SHANK2: variants seen among roughly 807,000 people sequenced by gnomAD.
SHANK2 encodes SH3 and multiple ankyrin repeat domains protein 2.
Under a neutral mutation model 133.7 loss-of-function variants are expected in SHANK2, and 43 were observed. That is an observed-to-expected ratio of 0.32 (90% CI 0.25 to 0.41). The LOEUF (loss-of-function observed/expected upper bound fraction) is 0.41. Among genes scored for constraint, SHANK2 ranks in the 10% least tolerant of loss-of-function variants. SHANK2 has a pLI of 1.00. For missense variants in SHANK2, 1,994 were observed against 2,235.8 expected, an observed-to-expected ratio of 0.89 and a Z score of 2.18; for synonymous variants, 1,017 against 952.8, an observed-to-expected ratio of 1.07 and a Z score of -1.24.
At chr11:70,644,415 C>T (rs370980780) in intron 17 of SHANK2, among the ~76,000 whole-genome samples, 23 of 152,228 alleles carry the variant, frequency 1.5e-4, no homozygotes, top group East Asian at 7.7e-4. Context: ...CTCACTTGAG[C>T]GGAATCATAC....
intron 11 of SHANK2, among the ~76,000 whole-genome samples, chr11:70,839,882 C>T (rs1948876450): frequency 6.6e-6 from 1 of 152,168 alleles, no homozygotes; most frequent in Admixed American, 6.5e-5. Flanking sequence ...ATAAATTCCT[C>T]CCAGGGCCGA....
chr11:70,854,003 A>G (rs1487436051), intron 11 of SHANK2, among the ~76,000 whole-genome samples: 10 of 152,220 alleles, frequency 6.6e-5, no homozygotes, highest in African/African-American at 1.9e-4. Context: ...CTATTTCTAA[A>G]TAAGGTCACA....
At position 70,664,031 on chromosome 11, in the gene SHANK2, C is replaced by T. The variant is rs73525972; in HGVS notation, c.1854-2353G>A. ...ATGCCTCAGGCCGCTGTCCCTGTGA[C>T]GGCTGCCATTAACCTCCAGCAGGCC... On this transcript the variant is annotated intron_variant, in intron 15 of 25. Coordinates refer to ENST00000601538, the MANE Select transcript of SHANK2 (RefSeq NM_012309.5). Among the ~76,000 whole-genome samples, 734 of 152,298 alleles carry T rather than the reference C, an allele frequency of 4.8e-3. 10 individuals are homozygous for T. The highest frequency in any genetic ancestry group is 0.017 in the African/African-American group (697 of 41,560).
At chr11:70,877,337 G>A (rs778602715) in intron 11 of SHANK2, among the ~76,000 whole-genome samples, 1 of 152,236 alleles carries the variant, frequency 6.6e-6, no homozygotes, top group Non-Finnish European at 1.5e-5. Flanking sequence ...CATAAGCCAA[G>A]AGGCTTCCTG....
intron 4 of SHANK2, 93 bp downstream of exon 4, chr11:71,118,736 A>G (rs147017031): frequency 6.3e-4 from 681 of 1,072,576 alleles, no homozygotes; most frequent in Non-Finnish European, 8.4e-4. Flanking sequence ...TGCAAATGGA[A>G]TTGGTCTCGC....
intron 5 of SHANK2, among the ~76,000 whole-genome samples, chr11:71,111,755 T>C (rs1170533952): frequency 6.6e-6 from 1 of 152,228 alleles, no homozygotes; most frequent in Non-Finnish European, 1.5e-5. Flanking sequence ...GACTTACACA[T>C]GGTGTCACTG....
intron 2 of SHANK2, among the ~76,000 whole-genome samples, chr11:71,149,360 C>G (rs1404837076): frequency 3.3e-5 from 5 of 152,204 alleles, no homozygotes; most frequent in South Asian, 4.1e-4. Context: ...AACAGACTAG[C>G]CTTCAGCTGC....
intron 1 of SHANK2, among the ~76,000 whole-genome samples, chr11:71,235,182 T>TG (rs1172804463): frequency 6.6e-6 from 1 of 151,958 alleles, no homozygotes; most frequent in Non-Finnish European, 1.5e-5. Context: ...TGACTTAGGG[T>TG]GGGGGGCCCC....
At chr11:70,567,714 C>T (rs912458348) in intron 17 of SHANK2, among the ~76,000 whole-genome samples, 1 of 152,002 alleles carries the variant, frequency 6.6e-6, no homozygotes, top group Non-Finnish European at 1.5e-5. Flanking sequence ...GAGAAGGCAG[C>T]GCCTACAAGC....
At chr11:70,675,078 G>T (rs879997168) in intron 15 of SHANK2, among the ~76,000 whole-genome samples, 15 of 152,192 alleles carry the variant, frequency 9.9e-5, no homozygotes, top group African/African-American at 3.6e-4. Context: ...AGGAGAACGC[G>T]TTTTAGAAAT....
chr11:70,554,901 A>ATTT (rs11435528), intron 17 of SHANK2, among the ~76,000 whole-genome samples: 42,857 of 133,980 alleles, frequency 0.32, 7,392 homozygotes, highest in African/African-American at 0.38. Flanking sequence ...CGAACATTGC[A>ATTT]TTTTTTTTTT....
intron 17 of SHANK2, among the ~76,000 whole-genome samples, chr11:70,637,424 G>A (rs2061118026): frequency 6.6e-6 from 1 of 152,136 alleles, no homozygotes; most frequent in African/African-American, 2.4e-5. Context: ...GGTGGGGCTG[G>A]GCTGGGTGTT....
intron 11 of SHANK2, chr11:70,863,486 G>A (rs1555068333): frequency 2.2e-6 from 1 of 457,844 alleles, no homozygotes; most frequent in Non-Finnish European, 4.4e-6. Flanking sequence ...GATTCTGTGG[G>A]GGGTTTTCCT....
chr11:71,170,343 A>G (rs1305994356), intron 2 of SHANK2, among the ~76,000 whole-genome samples: 1 of 152,216 alleles, frequency 6.6e-6, no homozygotes, highest in Non-Finnish European at 1.5e-5. Flanking sequence ...GGACAAATAT[A>G]TTTTCTGGCA....
intron 11 of SHANK2, among the ~76,000 whole-genome samples, chr11:70,825,679 C>T (rs1266927394): frequency 6.6e-6 from 1 of 152,078 alleles, no homozygotes; most frequent in Non-Finnish European, 1.5e-5. Flanking sequence ...GTACCTTCCT[C>T]ATTTCTCTAA....
At chr11:70,756,814 G>C (rs1253449529) in intron 14 of SHANK2, among the ~76,000 whole-genome samples, 1 of 152,172 alleles carries the variant, frequency 6.6e-6, no homozygotes, top group Non-Finnish European at 1.5e-5. Context: ...TTCTGGGAAC[G>C]TGTCCTCTAA....
rs537757111 is a variant in SHANK2, at chr11:70,538,312, G to A, written c.2062-35381C>T. On this transcript the variant is annotated intron_variant, in intron 17 of 25. Transcript: ENST00000601538. ...CCCCAGAATTAGCCGACAGTGACCC[G>A]GAGGGACCAGGGGATCTGAGGCCAC... is the stretch of plus-strand genomic sequence containing the variant. 3.9e-5 allele frequency among the ~76,000 whole-genome samples: 6 copies of A among 152,352 alleles called. No individual in the cohort carries two copies. The South Asian group carries it at 6.2e-4, about 16-fold the overall frequency.
At chr11:71,166,430 T>C (rs868946902) in intron 2 of SHANK2, among the ~76,000 whole-genome samples, 78 of 152,048 alleles carry the variant, frequency 5.1e-4, no homozygotes, top group Middle Eastern at 3.4e-3. Context: ...ACCCCGGTAT[T>C]ACAAGACATG....
intron 21 of SHANK2, among the ~76,000 whole-genome samples, chr11:70,493,451 A>T: frequency 6.8e-6 from 1 of 147,106 alleles, no homozygotes. Flanking sequence ...TTTAAAGAGG[A>T]CATTTGCAGC....
Sources: allele counts gnomAD v4.1 joint callset (sites outside exome capture counted in the v4.1 genomes callset), GRCh38; gene constraint gnomAD v4.1.1; transcripts MANE v1.5; gene names NCBI Gene and HGNC (gene_info 2026-07-23, HGNC 2026-07-21).